ATP8A2: variants seen among roughly 807,000 people sequenced by gnomAD.
The protein encoded by ATP8A2 is ATPase phospholipid transporting 8A2.
ATP8A2 carries 100 observed loss-of-function variants against 165.6 expected under a neutral mutation model. The ratio of observed to expected loss-of-function variants is 0.60; its 90% CI spans 0.51 to 0.71. The LOEUF is 0.71. Among genes scored for constraint, ATP8A2 ranks in the 30% least tolerant of loss-of-function variants. The pLI is 0.00. For synonymous variants in ATP8A2, 543 were observed against 548.8 expected (o/e 0.99, Z 0.15); for missense variants, 1,227 against 1,479.5 (o/e 0.83, Z 2.80).
intron 10 of ATP8A2, among the ~76,000 whole-genome samples, chr13:25,550,198 T>G (rs2038776664): frequency 6.6e-6 from 1 of 151,948 alleles, no homozygotes; most frequent in Non-Finnish European, 1.5e-5. Context: ...CCCAGCTACT[T>G]GGGAGGCGAG....
intron 2 of ATP8A2, among the ~76,000 whole-genome samples, chr13:25,518,542 T>C (rs947725616): frequency 6.0e-5 from 5 of 82,814 alleles, no homozygotes; most frequent in African/African-American, 1.9e-4. Context: ...TTTAGCTTAA[T>C]TTCTGTTTCT....
At chr13:25,923,978 C>G (rs998740513) in intron 33 of ATP8A2, among the ~76,000 whole-genome samples, 2 of 152,132 alleles carry the variant, frequency 1.3e-5, no homozygotes, top group African/African-American at 4.8e-5. Flanking sequence ...TCATCATTAT[C>G]AAAGGATAAT....
At chr13:25,837,115 G>T (rs551858450) in intron 28 of ATP8A2, 48 bp from the exon 29 acceptor site, 1 of 1,598,544 alleles carries the variant, frequency 6.3e-7, no homozygotes, top group Admixed American at 1.7e-5. Context: ...CAATGAAGCC[G>T]TGTGGATCCG....
At chr13:25,413,647 A>AGTGTAGT (rs577315201) in intron 1 of ATP8A2, among the ~76,000 whole-genome samples, 66 of 152,266 alleles carry the variant, frequency 4.3e-4, no homozygotes, top group Non-Finnish European at 6.9e-4. Context: ...TTTATCCTTA[A>AGTGTAGT]GTGTAGTGTG....
At chr13:25,714,694 A>T (rs1035509920) in intron 25 of ATP8A2, among the ~76,000 whole-genome samples, 3 of 152,228 alleles carry the variant, frequency 2.0e-5, no homozygotes, top group African/African-American at 7.2e-5. Context: ...CTCCCTTCTC[A>T]TGACAGTTGC....
intron 1 of ATP8A2, among the ~76,000 whole-genome samples, chr13:25,377,400 G>A (rs1281235145): frequency 6.6e-6 from 1 of 152,194 alleles, no homozygotes; most frequent in African/African-American, 2.4e-5. Context: ...CACAGAAACA[G>A]GACCTACTCC....
chr13:25,788,817 G>A (rs1346149500), intron 27 of ATP8A2, among the ~76,000 whole-genome samples: 4 of 152,220 alleles, frequency 2.6e-5, no homozygotes, highest in African/African-American at 9.6e-5. Context: ...TTTCAGCAGT[G>A]TGGTCACCAG....
At chr13:25,815,638 G>A (rs778987288) in intron 27 of ATP8A2, among the ~76,000 whole-genome samples, 4 of 152,104 alleles carry the variant, frequency 2.6e-5, no homozygotes, top group African/African-American at 4.8e-5. Flanking sequence ...GTACCTCCAC[G>A]ATATTAAACA....
At chr13:25,916,767 G>A (rs1020459225) in intron 33 of ATP8A2, among the ~76,000 whole-genome samples, 2 of 152,134 alleles carry the variant, frequency 1.3e-5, no homozygotes, top group Non-Finnish European at 2.9e-5. Flanking sequence ...ACAAGCTCTG[G>A]AAGTTGTTTT....
At position 25,684,392 on chromosome 13, in the gene ATP8A2, T is replaced by C. The variant is rs1363057419; in HGVS notation, c.2212-14781T>C. 5.3e-5 allele frequency among the ~76,000 whole-genome samples: 8 copies of C among 152,214 alleles called. 1 individual carries two copies. In the South Asian group the frequency reaches 1.4e-3, roughly 28 times the overall value. On this transcript the variant is annotated intron_variant, in intron 24 of 36. Transcript: ENST00000381655. The stretch of plus-strand genomic sequence containing the variant: ...CTTCTCTTATTTTTTCAATTGGAAG[T>C]GTTGATCTCAAGACAAGCTGAAGGC...
intron 15 of ATP8A2, among the ~76,000 whole-genome samples, chr13:25,563,549 C>A (rs1984264): frequency 0.7 from 107,009 of 152,070 alleles, 38,790 homozygotes; most frequent in African/African-American, 0.77. Flanking sequence ...CCTACATATG[C>A]GCTCTGGCCA....
chr13:25,922,553 C>T (rs1033404568), intron 33 of ATP8A2, among the ~76,000 whole-genome samples: 3 of 152,134 alleles, frequency 2.0e-5, no homozygotes, highest in East Asian at 1.9e-4. Flanking sequence ...GTTGGTTTCC[C>T]GTAGGCAGCT....
chr13:25,703,291 G>T (rs559476228), intron 25 of ATP8A2, among the ~76,000 whole-genome samples: 2 of 152,148 alleles, frequency 1.3e-5, no homozygotes, highest in East Asian at 3.9e-4. Context: ...TGTTGGCCAG[G>T]ATGGTCTCGA....
chr13:25,683,690 C>CT (rs574979200), intron 24 of ATP8A2, among the ~76,000 whole-genome samples: 5,636 of 142,672 alleles, frequency 0.04, 196 homozygotes, highest in South Asian at 0.17. Flanking sequence ...CCATCATTTC[C>CT]TTTTTTTTTT....
intron 1 of ATP8A2, among the ~76,000 whole-genome samples, chr13:25,433,005 C>T (rs1244412850): frequency 6.6e-6 from 1 of 152,150 alleles, no homozygotes; most frequent in Admixed American, 6.5e-5. Context: ...TGTACTTTTC[C>T]ACAGTTTGGA....
At chr13:25,746,344 C>A (rs146947534) in intron 25 of ATP8A2, among the ~76,000 whole-genome samples, 185 of 152,262 alleles carry the variant, frequency 1.2e-3, no homozygotes, top group African/African-American at 4.4e-3. Context: ...AGATGGATGG[C>A]AAGGGCTGTG....
chr13:25,525,605 T>C (rs904981136), intron 2 of ATP8A2, among the ~76,000 whole-genome samples: 3 of 152,174 alleles, frequency 2.0e-5, no homozygotes, highest in African/African-American at 7.2e-5. Flanking sequence ...ATTTTTTTTC[T>C]TTTAGCACTT....
At chr13:25,640,213 C>T (rs2041480917) in intron 24 of ATP8A2, among the ~76,000 whole-genome samples, 1 of 152,108 alleles carries the variant, frequency 6.6e-6, no homozygotes, top group East Asian at 1.9e-4. Context: ...CAAGAGCAAA[C>T]ACATTCAAAA....
chr13:25,616,787 C>T (rs976244338), intron 24 of ATP8A2, among the ~76,000 whole-genome samples: 1 of 152,116 alleles, frequency 6.6e-6, no homozygotes, highest in Non-Finnish European at 1.5e-5. Flanking sequence ...CCAGGGTTCA[C>T]CCTAAAATAT....
Sources: allele counts gnomAD v4.1 joint callset (sites outside exome capture counted in the v4.1 genomes callset), GRCh38; gene constraint gnomAD v4.1.1; transcripts MANE v1.5; gene names NCBI Gene and HGNC (gene_info 2026-07-23, HGNC 2026-07-21).